Variants in TACC2 observed in about 807,000 individuals in gnomAD.
TACC2 encodes the protein transforming acidic coiled-coil-containing protein 2.
TACC2 carries 137 observed loss-of-function variants against 227.3 expected under a neutral mutation model. The ratio of observed to expected loss-of-function variants is 0.60; its 90% CI spans 0.52 to 0.69. The LOEUF is 0.69. Ranked by LOEUF, TACC2 falls within the 30% of genes least tolerant of loss-of-function variation. TACC2 has a pLI of 0.00. For synonymous variants in TACC2, 1,523 were observed against 1,487.5 expected (o/e 1.02, Z -0.55); for missense variants, 3,470 against 3,694.4 (o/e 0.94, Z 1.57).
chr10:122,162,334 A>T (rs1815445858), intron 7 of TACC2, among the ~76,000 whole-genome samples: 1 of 152,284 alleles, frequency 6.6e-6, no homozygotes, highest in East Asian at 1.9e-4. Context: ...AAAACAGTGT[A>T]TTGGAGGCAA....
intron 7 of TACC2, among the ~76,000 whole-genome samples, chr10:122,191,635 T>C (rs185786755): frequency 3.3e-3 from 497 of 152,310 alleles, no homozygotes; most frequent in South Asian, 0.022. Flanking sequence ...TTGGACAAGG[T>C]TGGTTTACAC....
At chr10:122,181,364 T>A (rs1310289411) in intron 7 of TACC2, among the ~76,000 whole-genome samples, 1 of 152,230 alleles carries the variant, frequency 6.6e-6, no homozygotes, top group Admixed American at 6.5e-5. Context: ...CCGTGCTTTA[T>A]GTTTCTTTAT....
Position 122,084,168 on chromosome 10 carries a change from T to G in TACC2, c.1668T>G (p.His556Gln), listed in dbSNP as rs868130401. The change falls in exon 4 of 23, where the codon CAT becomes CAG. Residue 556 changes from histidine to glutamine, a missense_variant. By Grantham distance (24) the His-to-Gln change is conservative. Coordinates refer to ENST00000369005, the MANE Select transcript of TACC2 (RefSeq NM_206862.4). ...PPGPTDGAKVHEDSTSPAVAK... is the reference protein window; with the variant it reads ...PPGPTDGAKVQEDSTSPAVAK... ...GGCCAACGGATGGAGCCAAGGTCCA[T>G]GAAGATTCCACAAGCCCAGCCGTGG... 1 of 1,613,778 alleles carries G rather than the reference T, an allele frequency of 6.2e-7. No homozygotes were observed. The highest frequency in any genetic ancestry group is 8.5e-7 in the Non-Finnish European group (1 of 1,180,016).
intron 7 of TACC2, among the ~76,000 whole-genome samples, chr10:122,176,058 C>T (rs1301890277): frequency 7.0e-6 from 1 of 142,886 alleles, no homozygotes; most frequent in Non-Finnish European, 1.5e-5. Context: ...CTAACCTGAA[C>T]AACAGAGCAA....
chr10:122,062,931 G>A (rs2076995129), intron 3 of TACC2, among the ~76,000 whole-genome samples: 1 of 152,124 alleles, frequency 6.6e-6, no homozygotes, highest in Admixed American at 6.6e-5. Context: ...TGACCCAAGG[G>A]GGCCTTATGA....
At chr10:122,034,684 C>A (rs1959658263) in intron 2 of TACC2, among the ~76,000 whole-genome samples, 1 of 152,112 alleles carries the variant, frequency 6.6e-6, no homozygotes, top group South Asian at 2.1e-4. Flanking sequence ...GTAATCTCAG[C>A]ACTTTGGGAG....
intron 7 of TACC2, among the ~76,000 whole-genome samples, chr10:122,157,314 T>G (rs1042409378): frequency 4.6e-5 from 7 of 152,084 alleles, no homozygotes; most frequent in Non-Finnish European, 1.0e-4. Context: ...CTGGGAACTT[T>G]GTAGTTTTAG....
chr10:122,019,458 CAA>C (rs967658029), intron 1 of TACC2, among the ~76,000 whole-genome samples: 10 of 152,174 alleles, frequency 6.6e-5, no homozygotes, highest in African/African-American at 2.4e-4. Context: ...GCATAAAGGG[CAA>C]GAGAGAAGTG....
chr10:122,024,576 G>C (rs1433436126), intron 2 of TACC2, among the ~76,000 whole-genome samples: 1 of 151,954 alleles, frequency 6.6e-6, no homozygotes, highest in Non-Finnish European at 1.5e-5. Flanking sequence ...CTAACCCCTG[G>C]CAACCACTAT....
chr10:122,207,298 A>G (rs1483955872), intron 8 of TACC2, among the ~76,000 whole-genome samples: 2 of 149,478 alleles, frequency 1.3e-5, no homozygotes, highest in Non-Finnish European at 3.0e-5. Flanking sequence ...GACTATTTCA[A>G]AAAAAAAAAA....
At chr10:121,991,569 C>A (rs1213073974) in intron 1 of TACC2, among the ~76,000 whole-genome samples, 4 of 152,174 alleles carry the variant, frequency 2.6e-5, no homozygotes, top group African/African-American at 4.8e-5. Context: ...AGAATCATTT[C>A]AAAGCTGAGC....
chr10:122,188,908 C>G (rs753295782), intron 7 of TACC2, among the ~76,000 whole-genome samples: 51 of 152,172 alleles, frequency 3.4e-4, no homozygotes, highest in Non-Finnish European at 6.2e-4. Flanking sequence ...ATTCTAGCAG[C>G]CTGGCTTGCC....
Position 122,107,472 on chromosome 10 carries a change from C to G in TACC2, c.5573+18881C>G, listed in dbSNP as rs377510597. Among the ~76,000 whole-genome samples, 6 of 152,058 alleles carry G rather than the reference C, an allele frequency of 3.9e-5. No individual in the cohort carries two copies. The South Asian group carries it at 1.2e-3, about 32-fold the overall frequency. ...GGTGTGGTGTCAGGTGCCTGTAATC[C>G]CAGCTACTTGGGAGGCTGAGAAAGG... On this transcript the variant is annotated intron_variant, in intron 5 of 22. Coordinates refer to ENST00000369005, the MANE Select transcript of TACC2 (RefSeq NM_206862.4).
At chr10:122,127,850 G>C (rs1418848172) in intron 5 of TACC2, among the ~76,000 whole-genome samples, 1 of 152,192 alleles carries the variant, frequency 6.6e-6, no homozygotes, top group Admixed American at 6.5e-5. Context: ...CTTTGTAGCA[G>C]TTTCATATGG....
At chr10:122,232,561 C>T (rs371896917) in intron 16 of TACC2, among the ~76,000 whole-genome samples, 2 of 152,150 alleles carry the variant, frequency 1.3e-5, no homozygotes, top group African/African-American at 4.8e-5. Context: ...ATTTCAGAGG[C>T]GTATGCTCAA....
rs1428643161 is a variant in TACC2, at chr10:122,150,865, T to TG, written c.5834+7159_5834+7160insG. 1.3e-5 allele frequency among the ~76,000 whole-genome samples: 2 copies of TG among 152,168 alleles called. No individual in the cohort carries two copies. Among genetic ancestry groups the TG allele is most frequent in the African/African-American group, 4.8e-5 (2 of 41,448 alleles). On this transcript the variant is annotated intron_variant, in intron 7 of 22. Transcript: ENST00000369005. This position sits in a 1 kb window ranked among gnomAD's most constrained non-coding sequence, Gnocchi z 4.0. ...TCCTGCCAGCCAGCCTCTCGGCAGA[T>TG]ACATCCCGGTTGATTCTATGCCACG... is the stretch of plus-strand genomic sequence containing the variant.
At chr10:122,219,018 C>CTAAAAAAA (rs2095469225) in intron 11 of TACC2, among the ~76,000 whole-genome samples, 1 of 74,682 alleles carries the variant, frequency 1.3e-5, no homozygotes, top group Non-Finnish European at 2.6e-5. Context: ...AGACTCGTCT[C>CTAAAAAAA]AAAAAAAAAA....
chr10:122,193,009 T>C (rs1186492865), intron 7 of TACC2, among the ~76,000 whole-genome samples: 2 of 152,206 alleles, frequency 1.3e-5, no homozygotes, highest in Non-Finnish European at 2.9e-5. Context: ...CTCGATCTGT[T>C]GTTGTGCAAG....
At chr10:122,068,398 G>A (rs1826972289) in intron 3 of TACC2, among the ~76,000 whole-genome samples, 1 of 152,020 alleles carries the variant, frequency 6.6e-6, no homozygotes, top group Admixed American at 6.6e-5. Flanking sequence ...AAGCTTTTTG[G>A]GTTCTGGATA....
Sources: gnomAD v4.1 joint callset for allele counts (sites outside exome capture counted in the v4.1 genomes callset) on GRCh38, gnomAD v4.1.1 for gene constraint, Gnocchi (gnomAD v3.1) non-coding constraint, MANE v1.5 for transcripts, NCBI Gene and HGNC (gene_info 2026-07-23, HGNC 2026-07-21) for gene names.